The following CERKL variants were observed in gnomAD, a reference collection of about 807,000 sequenced individuals.
CERKL encodes ceramide kinase-like protein.
In CERKL, 61 loss-of-function variants were observed where a neutral mutation model predicts 63.4. That is an observed-to-expected ratio of 0.96 (90% CI 0.78 to 1.19). The LOEUF is 1.19. CERKL is among the 50% of genes most tolerant of loss of function. The pLI, the probability that CERKL is intolerant of heterozygous loss-of-function variation, is 0.00. For missense variants in CERKL, 675 were observed against 655.5 expected (o/e 1.03, Z -0.33); for synonymous variants, 250 against 230.5 (o/e 1.08, Z -0.77).
chr2:181,557,626 C>T (rs1415344755), intron 5 of CERKL, among the ~76,000 whole-genome samples: 1 of 152,148 alleles, frequency 6.6e-6, no homozygotes, highest in East Asian at 1.9e-4. Flanking sequence ...AATCATTCCA[C>T]ACGGTGAGGC....
At chr2:181,553,038 C>T (rs1291551893) in intron 5 of CERKL, among the ~76,000 whole-genome samples, 2 of 152,132 alleles carry the variant, frequency 1.3e-5, no homozygotes, top group South Asian at 2.1e-4. Flanking sequence ...TTGTTAAAAA[C>T]GTACATTCCT....
At chr2:181,583,704 T>C (rs941402814) in intron 2 of CERKL, among the ~76,000 whole-genome samples, 2 of 152,238 alleles carry the variant, frequency 1.3e-5, no homozygotes, top group South Asian at 2.1e-4. Flanking sequence ...GTAACTCTTA[T>C]GTATGATAAA....
chr2:181,561,698 A>T (rs1298025968), intron 4 of CERKL, among the ~76,000 whole-genome samples: 1 of 152,170 alleles, frequency 6.6e-6, no homozygotes, highest in Non-Finnish European at 1.5e-5. Context: ...TTAAGGTCTG[A>T]TAAGAGATAT....
intron 1 of CERKL, among the ~76,000 whole-genome samples, chr2:181,620,068 G>A: frequency 6.6e-6 from 1 of 152,022 alleles, no homozygotes; most frequent in East Asian, 1.9e-4. Flanking sequence ...AACCTCCATG[G>A]GCAACTGTTG....
At chr2:181,587,348 G>A (rs1468247925) in intron 2 of CERKL, among the ~76,000 whole-genome samples, 3 of 152,050 alleles carry the variant, frequency 2.0e-5, no homozygotes, top group Admixed American at 6.6e-5. Flanking sequence ...ACCTGCTGCC[G>A]GAATAATCAC....
At chr2:181,544,819 G>A (rs1559069993) in intron 10 of CERKL, 23 bp from the exon 11 acceptor site, 2 of 1,445,306 alleles carry the variant, frequency 1.4e-6, no homozygotes, top group Admixed American at 1.7e-5. Flanking sequence ...ATTTCTATTA[G>A]ACATCAAGAA....
chr2:181,626,060 G>A (rs1455671045), intron 1 of CERKL, among the ~76,000 whole-genome samples: 1 of 152,054 alleles, frequency 6.6e-6, no homozygotes, highest in Non-Finnish European at 1.5e-5. Context: ...TAAGCTTAGA[G>A]TTTAAATAGC....
At chr2:181,546,651 A>G (rs549307322) in intron 10 of CERKL, among the ~76,000 whole-genome samples, 2 of 152,104 alleles carry the variant, frequency 1.3e-5, no homozygotes, top group South Asian at 4.2e-4. Context: ...TTTCTCCTAC[A>G]CTCTACAGGA....
At chr2:181,543,117 T>G (rs1288397916) in intron 11 of CERKL, among the ~76,000 whole-genome samples, 2 of 152,190 alleles carry the variant, frequency 1.3e-5, no homozygotes, top group African/African-American at 2.4e-5. Context: ...TCTCATTTAT[T>G]TAATAAAAAA....
intron 1 of CERKL, among the ~76,000 whole-genome samples, chr2:181,656,538 G>T (rs916810079): frequency 1.9e-4 from 29 of 152,200 alleles, no homozygotes; most frequent in African/African-American, 7.0e-4. Flanking sequence ...AGGCTAGGTA[G>T]CGAAAGAATC....
At chr2:181,548,438 C>T (rs1687830236) in intron 8 of CERKL, 107 bp downstream of exon 8, 1 of 856,346 alleles carries the variant, frequency 1.2e-6, no homozygotes, top group African/African-American at 1.7e-5. Flanking sequence ...TTCTTTACTA[C>T]TATGTTAGAA....
chr2:181,622,230 C>T (rs754556996), intron 1 of CERKL, among the ~76,000 whole-genome samples: 11 of 152,152 alleles, frequency 7.2e-5, no homozygotes, highest in Non-Finnish European at 1.5e-4. Context: ...ACTAAAGTAG[C>T]CATAAAGTGA....
Position 181,555,830 on chromosome 2 carries a change from G to A in CERKL, c.820+2736C>T, listed in dbSNP as rs1688179779. Among the ~76,000 whole-genome samples, 3 of 146,132 alleles carry A rather than the reference G, an allele frequency of 2.1e-5. No homozygotes were observed. In the South Asian group the frequency reaches 6.4e-4, roughly 31 times the overall value. On this transcript the variant is annotated intron_variant, in intron 5 of 12. Transcript: ENST00000410087. ...TACAGTGGCACAATCTCAGCTCACT[G>A]CAACCTCTGCCTCCCAGGTTCAAGT...
At chr2:181,645,379 C>T (rs1687624913) in intron 1 of CERKL, among the ~76,000 whole-genome samples, 1 of 152,186 alleles carries the variant, frequency 6.6e-6, no homozygotes, top group Admixed American at 6.5e-5. Flanking sequence ...CTTCAAGGTG[C>T]TGACAGTAAA....
chr2:181,603,842 A>C lies in CERKL; in HGVS notation c.476T>G (p.Leu159Trp), dbSNP rs1463677511. The C allele has an allele frequency of 6.2e-7, 1 of 1,613,198 alleles. No homozygotes were observed. Among genetic ancestry groups the C allele is most frequent in the Non-Finnish European group, 8.5e-7 (1 of 1,179,500 alleles). Reference sequence around the variant, plus strand: ...TTCCCATGAGGAGTACTTACCTGCCAATATTTTCTTGAACTGTCTAAACCA... The same window carrying C: ...TTCCCATGAGGAGTACTTACCTGCCCATATTTTCTTGAACTGTCTAAACCA... ...DIWFRQFKKI[L>W]AGFPNRPKSL... is the part of the protein sequence containing the mutation. Residue 159 changes from leucine (L) to tryptophan (W), a missense_variant, in exon 2 of 13, where the codon TTG (leucine) becomes TGG (tryptophan). Physicochemically the swap from Leu to Trp is moderately conservative, Grantham distance 61. Transcript: ENST00000410087.
intron 1 of CERKL, among the ~76,000 whole-genome samples, chr2:181,613,606 A>T (rs1686066825): frequency 6.6e-6 from 1 of 152,206 alleles, no homozygotes. Context: ...GCTTAGAAGA[A>T]ATTAAAAAGA....
chr2:181,564,051 A>G (rs1198684913), intron 4 of CERKL, among the ~76,000 whole-genome samples: 1 of 152,072 alleles, frequency 6.6e-6, no homozygotes, highest in East Asian at 1.9e-4. Context: ...TTAGATTCTC[A>G]TCAAGAGCAC....
Position 181,603,862 on chromosome 2 carries a change from A to G in CERKL, c.456T>C (p.Phe152=), listed in dbSNP as rs779857041. 7 of 1,613,268 alleles carry G rather than the reference A, an allele frequency of 4.3e-6. No individual in the cohort carries two copies. Among genetic ancestry groups the G allele is most frequent in the African/African-American group, 1.3e-5 (1 of 74,902 alleles). Reference sequence around the variant, plus strand: ...CTGCCAATATTTTCTTGAACTGTCTAAACCATATGTCACAGTGGTCTTCAC... The same window carrying G: ...CTGCCAATATTTTCTTGAACTGTCTGAACCATATGTCACAGTGGTCTTCAC... The part of the protein sequence containing the change: ...NLSEDHCDIW[F]RQFKKILAGF... The change falls in exon 2 of 13, where the codon TTT becomes TTC. Residue 152 remains phenylalanine, a synonymous_variant. Coordinates refer to ENST00000410087, the MANE Select transcript of CERKL (RefSeq NM_201548.5).
chr2:181,564,309 T>C (rs1688573317), intron 4 of CERKL, among the ~76,000 whole-genome samples: 1 of 152,168 alleles, frequency 6.6e-6, no homozygotes, highest in African/African-American at 2.4e-5. Context: ...ACACGGAAGA[T>C]GACTTTCAGT....
Sources: gnomAD v4.1 joint callset for allele counts (sites outside exome capture counted in the v4.1 genomes callset) on GRCh38, gnomAD v4.1.1 for gene constraint, MANE v1.5 for transcripts, NCBI Gene and HGNC (gene_info 2026-07-23, HGNC 2026-07-21) for gene names.